The following MARCHF1 variants were observed in gnomAD, a reference collection of about 807,000 sequenced individuals.
The protein encoded by MARCHF1 is E3 ubiquitin-protein ligase MARCHF1.
In MARCHF1, 40 loss-of-function variants were observed where a neutral mutation model predicts 54.2. The ratio of observed to expected loss-of-function variants is 0.74; its 90% confidence interval spans 0.57 to 0.96. The LOEUF is 0.96. MARCHF1 is among the 40% of genes least tolerant of loss of function. The pLI, the probability that MARCHF1 is intolerant of heterozygous loss-of-function variation, is 0.00. For synonymous variants in MARCHF1, 236 were observed against 236.3 expected, an observed-to-expected ratio of 1.00 and a Z score of 0.01; for missense variants, 586 against 656.5, an observed-to-expected ratio of 0.89 and a Z score of 1.17.
In MARCHF1 at chr4:164,358,106, CTTACA is replaced by C. The variant is rs567016975; in HGVS notation, c.-323+25759_-323+25763del. ...AAATTCCCTCCACAAAAACTTAGAGCTTACATTAATCAGTCCACATTATGCAACTA... is the reference window on the plus strand; with the variant it reads ...AAATTCCCTCCACAAAAACTTAGAGCTTAATCAGTCCACATTATGCAACTA... On this transcript the variant is annotated intron_variant, in intron 1 of 9. Coordinates refer to ENST00000514618, the MANE Select transcript of MARCHF1 (RefSeq NM_001394959.1). Among the ~76,000 whole-genome samples, 6 of 152,254 alleles carry C rather than the reference CTTACA, an allele frequency of 3.9e-5. No individual in the cohort carries two copies. The South Asian group carries it at 1.2e-3, about 32-fold the overall frequency.
At chr4:164,258,420 A>AATAATAATAATAATAAT (rs1733357544) in intron 1 of MARCHF1, among the ~76,000 whole-genome samples, 2 of 102,506 alleles carry the variant, frequency 2.0e-5, no homozygotes, top group Non-Finnish European at 3.7e-5. Context: ...ATAATAATAA[A>AATAATAATAATAATAAT]GGACAAAACA....
chr4:163,976,865 G>C (rs1752658195), intron 3 of MARCHF1, among the ~76,000 whole-genome samples: 1 of 152,134 alleles, frequency 6.6e-6, no homozygotes, highest in African/African-American at 2.4e-5. Flanking sequence ...TCAGTCACCA[G>C]TCACCGTAGA....
chr4:164,142,458 C>T (rs933531850), intron 1 of MARCHF1, among the ~76,000 whole-genome samples: 8 of 152,178 alleles, frequency 5.3e-5, no homozygotes, highest in African/African-American at 1.9e-4. Context: ...GTTCTCCCAG[C>T]ACGCAGCTGG....
At chr4:163,723,136 T>C (rs1745533450) in intron 4 of MARCHF1, among the ~76,000 whole-genome samples, 2 of 152,238 alleles carry the variant, frequency 1.3e-5, no homozygotes, top group African/African-American at 4.8e-5. Flanking sequence ...TCTTTACAGT[T>C]TGGCATGGTT....
intron 4 of MARCHF1, among the ~76,000 whole-genome samples, chr4:163,846,075 A>G (rs1749477159): frequency 1.3e-5 from 2 of 152,214 alleles, no homozygotes; most frequent in African/African-American, 4.8e-5. Context: ...TTTAGATTTC[A>G]TTCACCATTA....
intron 2 of MARCHF1, among the ~76,000 whole-genome samples, chr4:164,036,720 AAC>A (rs1157721272): frequency 1.3e-5 from 2 of 152,198 alleles, no homozygotes; most frequent in Admixed American, 1.3e-4. Context: ...GTGATCAGAG[AAC>A]ACAAATTAAA....
chr4:164,129,635 G>C (rs1186271021), intron 1 of MARCHF1, among the ~76,000 whole-genome samples: 1 of 152,152 alleles, frequency 6.6e-6, no homozygotes, highest in Non-Finnish European at 1.5e-5. Context: ...ATGTAAAACA[G>C]AAAGTATTGC....
chr4:164,005,643 T>C (rs1487231129), intron 2 of MARCHF1, among the ~76,000 whole-genome samples: 3 of 151,998 alleles, frequency 2.0e-5, no homozygotes, highest in African/African-American at 7.2e-5. Flanking sequence ...CATGGGAAAA[T>C]TCATGACTGT....
chr4:164,035,834 G>T (rs1334395787), intron 2 of MARCHF1, among the ~76,000 whole-genome samples: 1 of 150,522 alleles, frequency 6.6e-6, no homozygotes, highest in African/African-American at 2.4e-5. Flanking sequence ...TAATCTCAGC[G>T]CTTTGGGAGG....
chr4:163,694,902 C>G (rs1744572161), intron 5 of MARCHF1, among the ~76,000 whole-genome samples: 1 of 151,984 alleles, frequency 6.6e-6, no homozygotes, highest in Non-Finnish European at 1.5e-5. Flanking sequence ...AAATTTATAC[C>G]CATTTCCTCA....
At position 164,101,594 on chromosome 4, in the gene MARCHF1, A is replaced by C. The variant is rs1755562424; in HGVS notation, c.-248+9994T>G. On this transcript the variant is annotated intron_variant, in intron 2 of 9. Coordinates refer to ENST00000514618, the MANE Select transcript of MARCHF1 (RefSeq NM_001394959.1). ...AAACTAACAAACAGAAAGGACATCC[A>C]CACCAAAAACCCATCTGTACATCAC... 3.9e-5 allele frequency among the ~76,000 whole-genome samples: 5 copies of C among 129,760 alleles called. 1 individual carries two copies. In the South Asian group the frequency reaches 1.4e-3, roughly 36 times the overall value. The allele number at this position is 129,760 out of a possible 152,430, so 85.1% of individuals were successfully genotyped here. A position where few individuals can be genotyped will look rare whatever the true frequency, so the allele number is the denominator to read the frequency against.
At chr4:164,018,665 T>C (rs1030927114) in intron 2 of MARCHF1, among the ~76,000 whole-genome samples, 2 of 152,136 alleles carry the variant, frequency 1.3e-5, no homozygotes, top group Admixed American at 6.6e-5. Context: ...TTTTAAAAAG[T>C]TATATTATTA....
intron 5 of MARCHF1, among the ~76,000 whole-genome samples, chr4:163,658,846 G>A (rs2111093201): frequency 6.6e-6 from 1 of 151,946 alleles, no homozygotes; most frequent in African/African-American, 2.4e-5. Flanking sequence ...TGTGTGCTGG[G>A]CTTAATACCT....
chr4:164,229,526 G>C (rs182176106), intron 1 of MARCHF1, among the ~76,000 whole-genome samples: 3 of 152,290 alleles, frequency 2.0e-5, no homozygotes, highest in African/African-American at 4.8e-5. Context: ...CTGTCACTCA[G>C]GCTGGAGTGC....
intron 4 of MARCHF1, among the ~76,000 whole-genome samples, chr4:163,780,101 T>G (rs1015708779): frequency 6.6e-6 from 1 of 152,106 alleles, no homozygotes; most frequent in Admixed American, 6.5e-5. Flanking sequence ...CAGTCAAAAG[T>G]TTACAGATAT....
chr4:164,208,034 A>T (rs764356011), intron 1 of MARCHF1, among the ~76,000 whole-genome samples: 13 of 152,162 alleles, frequency 8.5e-5, no homozygotes, highest in Non-Finnish European at 1.3e-4. Flanking sequence ...AGCTTTCATG[A>T]TAGGAATTGC....
chr4:163,920,505 G>T (rs949509530), intron 3 of MARCHF1, among the ~76,000 whole-genome samples: 2 of 152,116 alleles, frequency 1.3e-5, no homozygotes, highest in African/African-American at 4.8e-5. Context: ...TCCAGCCTTT[G>T]CCAGTTTCTG....
chr4:163,847,393 G>C (rs1206016357), intron 4 of MARCHF1, among the ~76,000 whole-genome samples: 1 of 151,934 alleles, frequency 6.6e-6, no homozygotes, highest in Non-Finnish European at 1.5e-5. Flanking sequence ...TGCAAAACAT[G>C]TATTATCAGT....
At chr4:164,300,666 G>A (rs372633039) in intron 1 of MARCHF1, among the ~76,000 whole-genome samples, 2 of 151,974 alleles carry the variant, frequency 1.3e-5, no homozygotes, top group Non-Finnish European at 2.9e-5. Context: ...CTCACCCTCC[G>A]ACTAGCTGGG....
Sources: allele counts gnomAD v4.1 joint callset (sites outside exome capture counted in the v4.1 genomes callset), GRCh38; gene constraint gnomAD v4.1.1; transcripts MANE v1.5; gene names NCBI Gene and HGNC (gene_info 2026-07-23, HGNC 2026-07-21).